UBE2J2: variants seen among roughly 807,000 people sequenced by gnomAD.
The protein encoded by UBE2J2 is ubiquitin-conjugating enzyme E2 J2.
Under a neutral mutation model 28.6 loss-of-function variants are expected in UBE2J2, and 5 were observed. The ratio of observed to expected loss-of-function variants is 0.17; its 90% confidence interval spans 0.09 to 0.37. The LOEUF (loss-of-function observed/expected upper bound fraction) is 0.37. UBE2J2 is among the 10% of genes least tolerant of loss of function. The probability of loss-of-function intolerance (pLI) is 1.00; values close to 1 mark genes in which losing one functional copy is unlikely to be tolerated. For missense variants in UBE2J2, 226 were observed against 338.9 expected, an observed-to-expected ratio of 0.67 and a Z score of 2.62; for synonymous variants, 138 against 139.7, an observed-to-expected ratio of 0.99 and a Z score of 0.09.
At position 1,254,969 on chromosome 1, in the gene UBE2J2, C is replaced by T; in HGVS notation, c.*234G>A. 2.1e-6 allele frequency: 1 copy of T among 475,842 alleles called. No individual in the cohort carries two copies. Among genetic ancestry groups the T allele is most frequent in the Non-Finnish European group, 3.7e-6 (1 of 269,862 alleles). 29.5% of individuals were successfully genotyped at this position (475,842 alleles called of 1,614,324 possible). On this transcript the variant is annotated 3_prime_UTR_variant, in exon 7 of 7. Transcript: ENST00000349431. Reference sequence around the variant, plus strand: ...CGGAAGATAAGCTACAAATCCAGCACACAAGGCCCACCCACACCAGCCCCA... The same window carrying T: ...CGGAAGATAAGCTACAAATCCAGCATACAAGGCCCACCCACACCAGCCCCA...
In UBE2J2 at chr1:1,254,164, AG is replaced by A. The variant is rs1553153851; in HGVS notation, c.*1038del. 2.0e-5 allele frequency: 3 copies of A among 152,134 alleles called. No homozygotes were observed. Among genetic ancestry groups the A allele is most frequent in the Non-Finnish European group, 4.4e-5 (3 of 68,026 alleles). 9.4% of individuals were successfully genotyped at this position (152,134 alleles called of 1,614,324 possible). A position where few individuals can be genotyped will look rare whatever the true frequency, so the allele number is the denominator to read the frequency against. ...CGAAGTCACGGAACAGACGCAGAAG[AG>A]GGGAGACGGCCGAGACCCGGGGAGC... On this transcript the variant is annotated 3_prime_UTR_variant, in exon 7 of 7. Coordinates refer to ENST00000349431, the MANE Select transcript of UBE2J2 (RefSeq NM_058167.3).
intron 3 of UBE2J2, among the ~76,000 whole-genome samples, chr1:1,260,522 C>T (rs987660900): frequency 6.6e-6 from 1 of 152,224 alleles, no homozygotes; most frequent in African/African-American, 2.4e-5. Flanking sequence ...GACGGCTATC[C>T]CACTGCTTGT....
At chr1:1,256,390 G>C in intron 5 of UBE2J2, 1 of 400,366 alleles carries the variant, frequency 2.5e-6, no homozygotes, top group South Asian at 2.5e-5. Flanking sequence ...GACAAGGCCC[G>C]GGCCGTCTGT....
intron 2 of UBE2J2, 179 bp downstream of exon 2, chr1:1,267,683 A>G: frequency 7.1e-7 from 1 of 1,416,130 alleles, no homozygotes; most frequent in African/African-American, 1.4e-5. Context: ...GCATGCGTCC[A>G]TTGGGAAAAG....
At chr1:1,256,885 CAAG>C in intron 5 of UBE2J2, 104 bp downstream of exon 5, 1 of 861,860 alleles carries the variant, frequency 1.2e-6, no homozygotes, top group Non-Finnish European at 1.5e-6. Flanking sequence ...GACTCCGTCT[CAAG>C]AAAAAAAAAA....
intron 3 of UBE2J2, chr1:1,262,235 C>T (rs573462891): frequency 1.1e-5 from 5 of 436,818 alleles, no homozygotes; most frequent in African/African-American, 4.0e-5. Flanking sequence ...TACTTTAACA[C>T]GCCCTGGACA....
rs1005229658 is a variant in UBE2J2, at chr1:1,268,670, A to C, written c.1-678T>G. 3.9e-5 allele frequency among the ~76,000 whole-genome samples: 6 copies of C among 152,174 alleles called. No individual in the cohort carries two copies. The highest frequency in any genetic ancestry group is 1.4e-4 in the African/African-American group (6 of 41,438). On this transcript the variant is annotated intron_variant, in intron 1 of 6. Coordinates refer to ENST00000349431, the MANE Select transcript of UBE2J2 (RefSeq NM_058167.3). This position sits in a 1 kb window ranked among gnomAD's most constrained non-coding sequence, Gnocchi z 4.7. ...AGTGAGGGCAGGGATAAGACTGGCC[A>C]GGGAGGCAGGGCCAGGGCATAAGAG...
Position 1,267,844 on chromosome 1 carries a change from A to G in UBE2J2, c.131+18T>C, listed in dbSNP as rs1328744575. 6.2e-7 allele frequency: 1 copy of G among 1,612,800 alleles called. No homozygotes were observed. The highest frequency in any genetic ancestry group is 8.5e-7 in the Non-Finnish European group (1 of 1,179,062). ...CAGCGACAGTCAGCGCAGGGCGATCAGTGGCGCGGAGCCTTACCACTCGAG... is the reference window on the plus strand; with the variant it reads ...CAGCGACAGTCAGCGCAGGGCGATCGGTGGCGCGGAGCCTTACCACTCGAG... On this transcript the variant is annotated intron_variant, in intron 2 of 6. Transcript: ENST00000349431.
At chr1:1,267,823 GACA>G in intron 2 of UBE2J2, 36 bp downstream of exon 2, 1 of 1,602,048 alleles carries the variant, frequency 6.2e-7, no homozygotes, top group Non-Finnish European at 8.5e-7. Context: ...GCGTGGCAGC[GACA>G]GTCAGCGCAG....
At chr1:1,265,784 G>A (rs1436880462) in intron 2 of UBE2J2, among the ~76,000 whole-genome samples, 7 of 151,980 alleles carry the variant, frequency 4.6e-5, no homozygotes, top group Non-Finnish European at 8.8e-5. Context: ...ACAGGCGTGC[G>A]CCACCATACC....
At chr1:1,263,761 C>T (rs60571569) in intron 2 of UBE2J2, among the ~76,000 whole-genome samples, 240 of 151,920 alleles carry the variant, frequency 1.6e-3, no homozygotes, top group African/African-American at 4.9e-3. Context: ...TGGGAGGGCA[C>T]GGTGGAAGAT....
rs1345538503 is a variant in UBE2J2, at chr1:1,268,443, C to T, written c.1-451G>A. On this transcript the variant is annotated intron_variant, in intron 1 of 6. Transcript: ENST00000349431. This position sits in a 1 kb window ranked among gnomAD's most constrained non-coding sequence, Gnocchi z 4.7. ...GGCACCACCGCCGGCCCCTTCACCG[C>T]ACCCGGAAGCCCGCTGCCCAGCATT... Among the ~76,000 whole-genome samples, 1 of 152,164 alleles carries T rather than the reference C, an allele frequency of 6.6e-6. No homozygotes were observed. Among genetic ancestry groups the T allele is most frequent in the African/African-American group, 2.4e-5 (1 of 41,444 alleles).
chr1:1,257,285 A>G lies in UBE2J2; in HGVS notation c.198T>C (p.Ile66=). ...GTTTGAAAGGAAATTCTCTGGGAAA[A>G]ATTAGTTTTCCATGATAATAGCCAC... ...YEGGYYHGKL[I]FPREFPFKPP... is the part of the protein sequence containing the mutation. The change falls in exon 4 of 7, where the codon ATT becomes ATC. Residue 66 remains isoleucine, a synonymous_variant. Transcript: ENST00000349431. 6.2e-7 allele frequency: 1 copy of G among 1,612,878 alleles called. No individual in the cohort carries two copies. The highest frequency in any genetic ancestry group is 8.5e-7 in the Non-Finnish European group (1 of 1,179,614).
intron 5 of UBE2J2, 155 bp from the exon 6 acceptor site, chr1:1,256,280 C>T (rs1479316122): frequency 5.1e-6 from 3 of 583,080 alleles, no homozygotes; most frequent in African/African-American, 1.9e-5. Flanking sequence ...TATAGTCTTA[C>T]AAAGCCTTCT....
chr1:1,255,759 C>A (rs1012305003), intron 6 of UBE2J2, among the ~76,000 whole-genome samples: 4 of 152,242 alleles, frequency 2.6e-5, no homozygotes, highest in African/African-American at 9.6e-5. Flanking sequence ...ATGGCAGCCG[C>A]TGTGCCTCCC....
intron 3 of UBE2J2, chr1:1,262,510 A>G: frequency 3.1e-6 from 1 of 326,956 alleles, no homozygotes; most frequent in Non-Finnish European, 6.1e-6. Context: ...AGGGGTTGCA[A>G]ACCTTCTTCT....
At chr1:1,267,776 G>T in intron 2 of UBE2J2, 86 bp downstream of exon 2, 1 of 1,576,778 alleles carries the variant, frequency 6.3e-7, no homozygotes. Flanking sequence ...CCATGACTGG[G>T]GCACCAGGCT....
In UBE2J2 at chr1:1,255,483, A is replaced by C. The variant is rs2101024737; in HGVS notation, c.500T>G (p.Ile167Ser). The part of the protein sequence containing the change: ...CELFPEVVEE[I>S]KQKQKAQDEL... ...GTCTTGTGCTTTCTGTTTTTGTTTA[A>C]TCTCCTAAGAGAAAAACAGCGAGAA... The change falls in exon 7 of 7, where the codon ATT (isoleucine) becomes AGT (serine). Residue 167 changes from isoleucine to serine, a missense_variant. Ile to Ser is a moderately radical substitution (Grantham distance 142). Around this residue, in one of 3 missense-constraint regions of UBE2J2, gnomAD observed 133 missense variants for 161.5 expected, o/e 0.82. Coordinates refer to ENST00000349431, the MANE Select transcript of UBE2J2 (RefSeq NM_058167.3). 2 of 1,607,220 alleles carry C rather than the reference A, an allele frequency of 1.2e-6. No homozygotes were observed. The highest frequency in any genetic ancestry group is 4.5e-5 in the East Asian group (2 of 44,686).
chr1:1,258,216 T>A (rs1344176969), intron 3 of UBE2J2, among the ~76,000 whole-genome samples: 10 of 147,968 alleles, frequency 6.8e-5, no homozygotes, highest in African/African-American at 2.0e-4. Context: ...ATTTTTTTTT[T>A]AATTTTAGTA....
Sources: gnomAD v4.1 joint callset for allele counts (sites outside exome capture counted in the v4.1 genomes callset) on GRCh38, gnomAD v4.1.1 for gene constraint, gnomAD v4.1.1 regional missense constraint, Gnocchi (gnomAD v3.1) non-coding constraint, MANE v1.5 for transcripts, NCBI Gene and HGNC (gene_info 2026-07-23, HGNC 2026-07-21) for gene names.